The following PRICKLE2 variants were observed in gnomAD, a reference collection of about 807,000 sequenced individuals.
The protein encoded by PRICKLE2 is prickle planar cell polarity protein 2.
Under a neutral mutation model 81.4 loss-of-function variants are expected in PRICKLE2, and 21 were observed. That is an observed-to-expected ratio of 0.26 (90% CI 0.18 to 0.37). PRICKLE2 has a LOEUF of 0.37. Ranked by LOEUF, PRICKLE2 falls within the 10% of genes least tolerant of loss-of-function variation. The probability of loss-of-function intolerance (pLI) is 1.00; values close to 1 mark genes in which losing one functional copy is unlikely to be tolerated. For synonymous variants in PRICKLE2, 456 were observed against 421.5 expected (o/e 1.08, Z -1.00); for missense variants, 940 against 1,109.0 (o/e 0.85, Z 2.16).
intron 7 of PRICKLE2, among the ~76,000 whole-genome samples, chr3:64,142,881 T>A (rs2107007908): frequency 6.6e-6 from 1 of 152,292 alleles, no homozygotes; most frequent in African/African-American, 2.4e-5. Context: ...TTCACAAAAT[T>A]CCATGGATGA....
chr3:64,208,433 C>A (rs2078728184), intron 1 of PRICKLE2, among the ~76,000 whole-genome samples: 1 of 152,162 alleles, frequency 6.6e-6, no homozygotes, highest in Non-Finnish European at 1.5e-5. Context: ...AGCGGAGAGT[C>A]AGAACGCCAG....
intron 2 of PRICKLE2, chr3:64,182,500 G>T (rs1285545811): frequency 7.1e-6 from 1 of 141,650 alleles, no homozygotes; most frequent in African/African-American, 2.7e-5. Flanking sequence ...GTCTCAGAAA[G>T]AAAAAAAAAA....
chr3:64,246,455 T>A (rs577725736), intron 2 of PRICKLE2, among the ~76,000 whole-genome samples: 1 of 152,180 alleles, frequency 6.6e-6, no homozygotes, highest in Non-Finnish European at 1.5e-5. Flanking sequence ...AAGAATAAAA[T>A]TCTCTTTTCT....
chr3:64,258,838 AAAAAAAAAAAG>A (rs2079567617), intron 2 of PRICKLE2, among the ~76,000 whole-genome samples: 1 of 129,350 alleles, frequency 7.7e-6, no homozygotes, highest in Admixed American at 8.2e-5. Context: ...AAAAAAAAAA[AAAAAAAAAAAG>A]AAAGAAAGAA....
chr3:64,146,452 C>T (rs975766460), intron 7 of PRICKLE2: 15 of 239,768 alleles, frequency 6.3e-5, no homozygotes, highest in South Asian at 1.2e-4. Context: ...CATTAAAATC[C>T]GGAGGACCAG....
chr3:64,208,390 C>T (rs1438941365), intron 1 of PRICKLE2, among the ~76,000 whole-genome samples: 2 of 152,208 alleles, frequency 1.3e-5, no homozygotes, highest in Non-Finnish European at 2.9e-5. Context: ...AGGGCTTCAG[C>T]TCCTACCTTA....
At chr3:64,107,864 A>G (rs538366907) in intron 7 of PRICKLE2, among the ~76,000 whole-genome samples, 65 of 152,364 alleles carry the variant, frequency 4.3e-4, no homozygotes, top group African/African-American at 1.4e-3. Context: ...TAAAGGAAAT[A>G]GTATCTATTC....
chr3:64,209,142 C>T (rs562346919), intron 1 of PRICKLE2, among the ~76,000 whole-genome samples: 2 of 149,920 alleles, frequency 1.3e-5, no homozygotes, highest in African/African-American at 4.9e-5. Context: ...CATACATACA[C>T]ATCTATCCAC....
chr3:64,211,730 C>G (rs1387305250), intron 1 of PRICKLE2, among the ~76,000 whole-genome samples: 1 of 152,202 alleles, frequency 6.6e-6, no homozygotes, highest in Non-Finnish European at 1.5e-5. Context: ...TACTGCGACT[C>G]TTTTGTTAGG....
intron 7 of PRICKLE2, among the ~76,000 whole-genome samples, chr3:64,142,603 G>A (rs553775277): frequency 3.3e-5 from 5 of 152,190 alleles, no homozygotes; most frequent in African/African-American, 7.2e-5. Flanking sequence ...GAGCCACCAC[G>A]CCTGGCCCAT....
intron 7 of PRICKLE2, among the ~76,000 whole-genome samples, chr3:64,134,106 C>T (rs1053551312): frequency 6.6e-6 from 1 of 152,180 alleles, no homozygotes; most frequent in African/African-American, 2.4e-5. Flanking sequence ...GCATGTTACC[C>T]CACACCACCC....
intron 1 of PRICKLE2, among the ~76,000 whole-genome samples, chr3:64,218,954 C>G (rs79270108): frequency 1.4e-3 from 212 of 152,188 alleles, no homozygotes; most frequent in African/African-American, 5.0e-3. Flanking sequence ...ATAACAAAGC[C>G]CTGGAGAGCT....
chr3:64,178,981 T>TTCTTTCTTTC (rs1436462688), intron 2 of PRICKLE2, among the ~76,000 whole-genome samples: 56 of 131,610 alleles, frequency 4.3e-4, no homozygotes, highest in African/African-American at 1.6e-3. Flanking sequence ...CTTTCTTTCT[T>TTCTTTCTTTC]TCTTTCTTTC....
intron 7 of PRICKLE2, among the ~76,000 whole-genome samples, chr3:64,138,766 G>C (rs1321998637): frequency 6.6e-6 from 1 of 152,216 alleles, no homozygotes; most frequent in African/African-American, 2.4e-5. Context: ...ACTCAAGGTT[G>C]TGATTCCAGA....
intron 7 of PRICKLE2, among the ~76,000 whole-genome samples, chr3:64,120,830 G>C (rs1208017623): frequency 6.6e-6 from 1 of 152,170 alleles, no homozygotes; most frequent in Non-Finnish European, 1.5e-5. Context: ...GGAACCTCAG[G>C]AATAGGGAGA....
intron 7 of PRICKLE2, among the ~76,000 whole-genome samples, chr3:64,125,395 A>G (rs2077090775): frequency 6.6e-6 from 1 of 152,222 alleles, no homozygotes; most frequent in Non-Finnish European, 1.5e-5. Flanking sequence ...AATAAGTTCT[A>G]CTGTGGGTAA....
At chr3:64,229,721 A>G (rs1035104288), upstream of PRICKLE2, among the ~76,000 whole-genome samples, 6 of 152,200 alleles carry the variant, frequency 3.9e-5, no homozygotes, top group Non-Finnish European at 8.8e-5. Context: ...CACTCATCTA[A>G]TAAGGTTTCC....
chr3:64,199,241 T>C, intron 1 of PRICKLE2: 1 of 573,326 alleles, frequency 1.7e-6, no homozygotes, highest in Non-Finnish European at 3.1e-6. Flanking sequence ...TCTAAATCAA[T>C]ACCCCAAGAG....
At chr3:64,167,171 CA>C (rs1391188361) in intron 2 of PRICKLE2, among the ~76,000 whole-genome samples, 1 of 152,106 alleles carries the variant, frequency 6.6e-6, no homozygotes, top group African/African-American at 2.4e-5. Flanking sequence ...CATTTTAGTC[CA>C]AACATGTTTC....
Sources: allele counts gnomAD v4.1 joint callset (sites outside exome capture counted in the v4.1 genomes callset), GRCh38; gene constraint gnomAD v4.1.1; transcripts MANE v1.5; gene names NCBI Gene and HGNC (gene_info 2026-07-23, HGNC 2026-07-21).